UST: variants seen among roughly 807,000 people sequenced by gnomAD.
UST encodes the protein chondroitin sulfate 2-O-sulfotransferase.
In UST, 21 loss-of-function variants were observed where a neutral mutation model predicts 45.6. The ratio of observed to expected loss-of-function variants is 0.46; its 90% CI spans 0.33 to 0.66. The LOEUF (loss-of-function observed/expected upper bound fraction) is 0.66. Among genes scored for constraint, UST ranks in the 30% least tolerant of loss-of-function variants. The probability of loss-of-function intolerance (pLI) is 0.02; values close to 1 mark genes in which losing one functional copy is unlikely to be tolerated. For synonymous variants in UST, 215 were observed against 200.6 expected (o/e 1.07, Z -0.61); for missense variants, 463 against 512.4 (o/e 0.90, Z 0.93).
chr6:149,034,834 T>TTCTCTC (rs60813679), intron 7 of UST, among the ~76,000 whole-genome samples: 7 of 45,754 alleles, frequency 1.5e-4, no homozygotes, highest in Non-Finnish European at 2.4e-4. Flanking sequence ...TTCATGCTCA[T>TTCTCTC]TCTCTCTCTC....
At chr6:148,898,823 C>G (rs969507214) in intron 2 of UST, among the ~76,000 whole-genome samples, 1 of 152,146 alleles carries the variant, frequency 6.6e-6, no homozygotes, top group African/African-American at 2.4e-5. Flanking sequence ...CAAGCCTTAT[C>G]CAGACCAGCC....
In UST at chr6:148,790,805, G is replaced by A. The variant is rs1225147637; in HGVS notation, c.247+43128G>A. ...GCGTCAATCTGGGACAACTCTGATG[G>A]GCCATCCCAGTTCCAGAGCTCCTGT... On this transcript the variant is annotated intron_variant, in intron 1 of 7. Transcript: ENST00000367463. The surrounding 1 kb of genome is among the most constrained non-coding windows in gnomAD (Gnocchi z 4.2). Among the ~76,000 whole-genome samples, 1 of 152,172 alleles carries A rather than the reference G, an allele frequency of 6.6e-6. No homozygotes were observed. Among genetic ancestry groups the A allele is most frequent in the Non-Finnish European group, 1.5e-5 (1 of 68,028 alleles).
chr6:148,961,942 C>T (rs1215364903), intron 4 of UST, among the ~76,000 whole-genome samples: 1 of 152,066 alleles, frequency 6.6e-6, no homozygotes, highest in African/African-American at 2.4e-5. Context: ...TGCTCTGGTC[C>T]CTGATGGTAG....
chr6:148,876,593 A>G (rs1778655994), intron 1 of UST, among the ~76,000 whole-genome samples: 1 of 152,088 alleles, frequency 6.6e-6, no homozygotes, highest in Non-Finnish European at 1.5e-5. Context: ...ACTCAGTTCT[A>G]CTGAATCCAT....
chr6:148,788,097 G>C (rs1467775318), intron 1 of UST, among the ~76,000 whole-genome samples: 1 of 152,176 alleles, frequency 6.6e-6, no homozygotes, highest in Admixed American at 6.5e-5. Flanking sequence ...AAGGTGAAAG[G>C]CTCTTCTTAC....
intron 1 of UST, among the ~76,000 whole-genome samples, chr6:148,767,273 T>C (rs1562561582): frequency 6.6e-6 from 1 of 152,274 alleles, no homozygotes; most frequent in Admixed American, 6.5e-5. Context: ...CCAGTTTGAT[T>C]GTTCCAATTT....
At chr6:148,976,065 A>G (rs1371204621) in intron 5 of UST, among the ~76,000 whole-genome samples, 1 of 152,256 alleles carries the variant, frequency 6.6e-6, no homozygotes, top group Non-Finnish European at 1.5e-5. Flanking sequence ...AGATATAAGA[A>G]GTCTTATAAA....
intron 1 of UST, among the ~76,000 whole-genome samples, chr6:148,840,923 G>A (rs1472344622): frequency 1.3e-5 from 2 of 151,902 alleles, no homozygotes; most frequent in African/African-American, 2.4e-5. Flanking sequence ...GGTGGTGGTC[G>A]CACAGCTTGG....
At chr6:148,769,345 A>G (rs1166596081) in intron 1 of UST, among the ~76,000 whole-genome samples, 1 of 152,242 alleles carries the variant, frequency 6.6e-6, no homozygotes, top group Non-Finnish European at 1.5e-5. Context: ...GGACCAGTAG[A>G]GGTATATTTT....
intron 5 of UST, among the ~76,000 whole-genome samples, chr6:148,978,678 G>T (rs1781070327): frequency 1.3e-5 from 2 of 152,062 alleles, no homozygotes; most frequent in South Asian, 4.2e-4. Context: ...GTCAGGGGTT[G>T]GGGGGAAAGG....
intron 1 of UST, among the ~76,000 whole-genome samples, chr6:148,771,722 A>C (rs955914746): frequency 6.6e-6 from 1 of 152,236 alleles, no homozygotes; most frequent in Non-Finnish European, 1.5e-5. Flanking sequence ...GAACTTACAC[A>C]TGGTCTAGAA....
At chr6:149,001,485 G>A (rs1781549190) in intron 5 of UST, among the ~76,000 whole-genome samples, 1 of 152,236 alleles carries the variant, frequency 6.6e-6, no homozygotes, top group Admixed American at 6.5e-5. Context: ...GGAAAAGGAA[G>A]CAAAGCAGAT....
Position 149,076,441 on chromosome 6 carries a change from T to C in UST, c.*2325T>C, listed in dbSNP as rs1562347535. 1 of 152,250 alleles carries C rather than the reference T, an allele frequency of 6.6e-6. No homozygotes were observed. The highest frequency in any genetic ancestry group is 1.9e-4 in the East Asian group (1 of 5,200). The allele number at this position is 152,250 out of a possible 1,614,324, so 9.4% of individuals were successfully genotyped here. A position where few individuals can be genotyped will look rare whatever the true frequency, so the allele number is the denominator to read the frequency against. On this transcript the variant is annotated 3_prime_UTR_variant, in exon 8 of 8. Transcript: ENST00000367463. ...TACTGCAAGTTTATCTGGGTACTTT[T>C]ACCTGTGTGTTCAAAGGCATTTCTT...
chr6:148,880,135 A>G (rs550399726), intron 1 of UST, among the ~76,000 whole-genome samples: 1 of 146,462 alleles, frequency 6.8e-6, no homozygotes, highest in South Asian at 2.5e-4. Context: ...TTGTATTTTT[A>G]GTGGAGATGG....
intron 1 of UST, among the ~76,000 whole-genome samples, chr6:148,831,831 T>C (rs1329125462): frequency 6.6e-6 from 1 of 152,178 alleles, no homozygotes; most frequent in Non-Finnish European, 1.5e-5. Flanking sequence ...GGGGTGGAAC[T>C]GAGACCCAGA....
At chr6:149,044,806 G>A (rs1283566063) in intron 7 of UST, among the ~76,000 whole-genome samples, 1 of 152,124 alleles carries the variant, frequency 6.6e-6, no homozygotes, top group Non-Finnish European at 1.5e-5. Flanking sequence ...AATGTTTTGG[G>A]CACAAATAGC....
At chr6:149,060,468 C>T (rs1438749702) in intron 7 of UST, among the ~76,000 whole-genome samples, 3 of 152,178 alleles carry the variant, frequency 2.0e-5, no homozygotes, top group Non-Finnish European at 4.4e-5. Context: ...CTAGGGAGTC[C>T]GGCGGCCCTG....
intron 1 of UST, among the ~76,000 whole-genome samples, chr6:148,765,790 T>A (rs1353682422): frequency 6.6e-6 from 1 of 152,164 alleles, no homozygotes; most frequent in Non-Finnish European, 1.5e-5. Context: ...TCTTCACAAT[T>A]TATGTTCTTC....
At chr6:148,994,392 A>G (rs929280726) in intron 5 of UST, among the ~76,000 whole-genome samples, 20 of 152,182 alleles carry the variant, frequency 1.3e-4, no homozygotes, top group Admixed American at 2.6e-4. Flanking sequence ...AATAGGAGAA[A>G]ATGTTGGTTC....
Sources: allele counts gnomAD v4.1 joint callset (sites outside exome capture counted in the v4.1 genomes callset), GRCh38; gene constraint gnomAD v4.1.1; non-coding constraint Gnocchi (gnomAD v3.1); transcripts MANE v1.5; gene names NCBI Gene and HGNC (gene_info 2026-07-23, HGNC 2026-07-21).